The following ZNF138 variants were observed in gnomAD, a reference collection of about 807,000 sequenced individuals.
The protein encoded by ZNF138 is zinc finger protein 138.
Under a neutral mutation model 33.0 loss-of-function variants are expected in ZNF138, and 33 were observed. The observed-to-expected ratio is 1.00, with a 90% CI of 0.76 to 1.34. ZNF138 has a LOEUF of 1.34. Ranked by LOEUF, ZNF138 falls within the 40% of genes most tolerant of loss-of-function variation. ZNF138 has a pLI of 0.00. For synonymous variants in ZNF138, 139 were observed against 120.4 expected, an observed-to-expected ratio of 1.15 and a Z score of -1.01; for missense variants, 360 against 370.8, an observed-to-expected ratio of 0.97 and a Z score of 0.24.
the ZNF138 span, among the ~76,000 whole-genome samples, chr7:64,849,026 G>A: frequency 6.6e-6 from 1 of 152,112 alleles, no homozygotes; most frequent in Non-Finnish European, 1.5e-5. Flanking sequence ...AAAGAACTTT[G>A]TTTTGTCATA....
the ZNF138 span, among the ~76,000 whole-genome samples, chr7:64,848,430 G>A: frequency 6.6e-6 from 1 of 151,708 alleles, no homozygotes; most frequent in Non-Finnish European, 1.5e-5. Flanking sequence ...CTGCTTGCTT[G>A]ATTCTATTGC....
intron 1 of ZNF138, among the ~76,000 whole-genome samples, chr7:64,806,777 C>T (rs1006974997): frequency 2.0e-5 from 3 of 152,176 alleles, no homozygotes; most frequent in South Asian, 2.1e-4. Flanking sequence ...TGCCCTATAG[C>T]TTAACAATGT....
At chr7:64,841,350 C>A in the ZNF138 span, among the ~76,000 whole-genome samples, 1 of 152,000 alleles carries the variant, frequency 6.6e-6, no homozygotes, top group South Asian at 2.1e-4. Context: ...TTTATTGAGG[C>A]AATTTGTTCA....
the ZNF138 span, among the ~76,000 whole-genome samples, chr7:64,843,165 G>T: frequency 0.92 from 140,194 of 152,254 alleles, 65,638 homozygotes; most frequent in Non-Finnish European, 1. Context: ...CTTCTTTAAA[G>T]ATGAATAGTA....
At chr7:64,799,335 T>C (rs1186215232) in intron 1 of ZNF138, among the ~76,000 whole-genome samples, 1 of 151,996 alleles carries the variant, frequency 6.6e-6, no homozygotes, top group Non-Finnish European at 1.5e-5. Context: ...CCCAGCTGAT[T>C]TTATATTTTT....
downstream of ZNF138, among the ~76,000 whole-genome samples, chr7:64,833,945 C>T (rs541205772): frequency 3.0e-3 from 462 of 152,240 alleles, 2 homozygotes; most frequent in African/African-American, 9.9e-3. Flanking sequence ...AGGCTCATCT[C>T]GAACTCCTGA....
chr7:64,831,148 T>C, intron 3 of ZNF138: 1 of 1,517,644 alleles, frequency 6.6e-7, no homozygotes, highest in Non-Finnish European at 8.8e-7. Context: ...AGAGGCACTA[T>C]GTTATATCGG....
At chr7:64,816,697 T>G (rs1354194875) in intron 3 of ZNF138, among the ~76,000 whole-genome samples, 1 of 152,256 alleles carries the variant, frequency 6.6e-6, no homozygotes, top group African/African-American at 2.4e-5. Context: ...TTTTGCCACA[T>G]ACTTTCAATG....
chr7:64,816,075 G>T (rs1788607079), intron 3 of ZNF138, among the ~76,000 whole-genome samples: 1 of 151,292 alleles, frequency 6.6e-6, no homozygotes, highest in African/African-American at 2.4e-5. Flanking sequence ...TCATTTTTCT[G>T]CATATTCCAT....
chr7:64,832,247 C>A lies in ZNF138; in HGVS notation c.*45C>A. On this transcript the variant is annotated 3_prime_UTR_variant, in exon 4 of 4. Transcript: ENST00000307355. ...AAATTTACACTAGAGAGAAAGCCTA[C>A]AAATGTGAAGAATGTGGCAAAGCCT... The A allele has an allele frequency of 6.2e-7, 1 of 1,602,628 alleles. No homozygotes were observed. The highest frequency in any genetic ancestry group is 8.5e-7 in the Non-Finnish European group (1 of 1,176,480).
At chr7:64,800,326 T>C (rs754953699) in intron 1 of ZNF138, among the ~76,000 whole-genome samples, 4 of 152,208 alleles carry the variant, frequency 2.6e-5, no homozygotes, top group Non-Finnish European at 5.9e-5. Context: ...GGTTGTGGGT[T>C]TGTCTTGGAT....
the ZNF138 span, among the ~76,000 whole-genome samples, chr7:64,850,606 C>T: frequency 3.3e-4 from 51 of 152,264 alleles, no homozygotes; most frequent in Non-Finnish European, 6.0e-4. Context: ...AAGATTGAAA[C>T]GCCGTATCAG....
chr7:64,814,590 C>A (rs576680023), intron 1 of ZNF138, among the ~76,000 whole-genome samples: 1 of 152,062 alleles, frequency 6.6e-6, no homozygotes, highest in East Asian at 1.9e-4. Flanking sequence ...CATAGTGAAG[C>A]CCCGTTTCTA....
chr7:64,808,181 C>T (rs577663599), intron 1 of ZNF138, among the ~76,000 whole-genome samples: 7 of 152,292 alleles, frequency 4.6e-5, no homozygotes, highest in Non-Finnish European at 7.4e-5. Flanking sequence ...GTTAATTCTG[C>T]GTCTGTCTCA....
At chr7:64,802,069 T>A (rs1173572949) in intron 1 of ZNF138, among the ~76,000 whole-genome samples, 2 of 152,192 alleles carry the variant, frequency 1.3e-5, no homozygotes, top group African/African-American at 4.8e-5. Flanking sequence ...TGGTTTTATA[T>A]ATTTTAGGGA....
At chr7:64,846,823 T>C in the ZNF138 span, among the ~76,000 whole-genome samples, 1 of 152,190 alleles carries the variant, frequency 6.6e-6, no homozygotes, top group African/African-American at 2.4e-5. Context: ...AGAGTGGACA[T>C]TTTTGTCTTG....
At chr7:64,794,819 A>G (rs1222661553) in intron 1 of ZNF138, among the ~76,000 whole-genome samples, 1 of 152,128 alleles carries the variant, frequency 6.6e-6, no homozygotes, top group Non-Finnish European at 1.5e-5. Context: ...CTCTCTGAGC[A>G]GCTCTGCACC....
chr7:64,837,032 C>G (rs186200851), downstream of ZNF138: 30 of 152,244 alleles, frequency 2.0e-4, no homozygotes, highest in African/African-American at 6.7e-4. Flanking sequence ...TTCAGGCCAG[C>G]GAAAGGTGTT....
intron 1 of ZNF138, among the ~76,000 whole-genome samples, chr7:64,803,264 T>TG (rs1787301197): frequency 6.6e-6 from 1 of 151,360 alleles, no homozygotes; most frequent in Admixed American, 6.6e-5. Flanking sequence ...AAAGGTTTTT[T>TG]TTTTTTTTTT....
Sources: allele counts gnomAD v4.1 joint callset (sites outside exome capture counted in the v4.1 genomes callset), GRCh38; gene constraint gnomAD v4.1.1; transcripts MANE v1.5; gene names NCBI Gene and HGNC (gene_info 2026-07-23, HGNC 2026-07-21).